The following GBF1 variants were observed in gnomAD, a reference collection of about 807,000 sequenced individuals.
The protein encoded by GBF1 is Golgi-specific brefeldin A-resistance guanine nucleotide exchange factor 1.
Under a neutral mutation model 210.5 loss-of-function variants are expected in GBF1, and 114 were observed. The observed-to-expected ratio is 0.54, with a 90% CI of 0.47 to 0.63. The LOEUF (loss-of-function observed/expected upper bound fraction) is 0.63. Among genes scored for constraint, GBF1 ranks in the 30% least tolerant of loss-of-function variants. GBF1 has a pLI of 0.00. For missense variants in GBF1, 1,851 were observed against 2,357.7 expected (o/e 0.79, Z 4.45); for synonymous variants, 850 against 889.2 (o/e 0.96, Z 0.78).
intron 29 of GBF1, 39 bp from the exon 30 acceptor site, chr10:102,375,320 C>A: frequency 8.4e-7 from 1 of 1,190,278 alleles, no homozygotes; most frequent in Non-Finnish European, 1.3e-6. Flanking sequence ...GCCCACACAG[C>A]TCCCCGCTTC....
In GBF1 at chr10:102,376,757, C is replaced by T. The variant is rs139000128; in HGVS notation, c.4245C>T (p.Cys1415=). 3.9e-5 allele frequency: 62 copies of T among 1,609,704 alleles called. No homozygotes were observed. Among genetic ancestry groups the T allele is most frequent in the South Asian group, 8.8e-5 (8 of 91,074 alleles). ...AHITPDNFEL[C]VKTLRIFVEA... ...TCACACCTGACAACTTTGAGCTCTGCGTCAAGACTCTCCGGATCTTTGTGG... is the reference window on the plus strand; with the variant it reads ...TCACACCTGACAACTTTGAGCTCTGTGTCAAGACTCTCCGGATCTTTGTGG... Residue 1415 remains cysteine (C), a synonymous_variant, in exon 32 of 40, where the codon TGC becomes TGT. Transcript: ENST00000369983.
In GBF1 at chr10:102,362,593, C is replaced by G. The variant is rs369179789; in HGVS notation, c.1805C>G (p.Thr602Ser). Residue 602 changes from threonine (T) to serine (S), a missense_variant, in exon 15 of 40, where the codon ACC becomes AGC. By Grantham distance (58) the Thr-to-Ser change is moderately conservative. This residue lies in a region of GBF1 where 804 missense variants were observed against 958.6 expected (regional missense o/e 0.84). Transcript: ENST00000369983. Reference protein sequence around the residue: ...HCQAKVLNSLTQQEKKETARP... With the variant: ...HCQAKVLNSLSQQEKKETARP... Reference sequence around the variant, plus strand: ...CAGGCTAAAGTCCTCAACAGCCTCACCCAGCAAGAGAAGAAGGAGACAGCC... The same window carrying G: ...CAGGCTAAAGTCCTCAACAGCCTCAGCCAGCAAGAGAAGAAGGAGACAGCC... 49 of 1,614,054 alleles carry G rather than the reference C, an allele frequency of 3.0e-5. No homozygotes were observed. The highest frequency in any genetic ancestry group is 3.9e-5 in the Non-Finnish European group (46 of 1,180,024).
upstream of GBF1, among the ~76,000 whole-genome samples, chr10:102,243,954 A>C (rs1176092357): frequency 6.6e-6 from 1 of 152,028 alleles, no homozygotes; most frequent in Non-Finnish European, 1.5e-5. Flanking sequence ...ACATGGTGAA[A>C]CCCCATCTCT....
chr10:102,255,148 CT>C (rs1209965960), intron 1 of GBF1, among the ~76,000 whole-genome samples: 2 of 152,070 alleles, frequency 1.3e-5, no homozygotes, highest in East Asian at 3.9e-4. Flanking sequence ...TCAAGTGATT[CT>C]CCTGCCTCAG....
At position 102,370,447 on chromosome 10, in the gene GBF1, G is replaced by A; in HGVS notation, c.3475G>A (p.Glu1159Lys). ...TGAGGAAGATGCTGCTTTCTGCCTA[G>A]AGATGCTGCTAAGGATTGTGTTGGA... ...YDEEDAAFCL[E>K]MLLRIVLENR... The change falls in exon 28 of 40, where the codon GAG (glutamate) becomes AAG (lysine). Residue 1159 changes from glutamate (E) to lysine (K), a missense_variant. This residue lies in a region of GBF1 where 967 missense variants were observed against 1,247.7 expected (regional missense o/e 0.78). Transcript: ENST00000369983. The A allele has an allele frequency of 1.2e-6, 2 of 1,613,140 alleles. No individual in the cohort carries two copies. Among genetic ancestry groups the A allele is most frequent in the Non-Finnish European group, 1.7e-6 (2 of 1,179,058 alleles).
intron 3 of GBF1, among the ~76,000 whole-genome samples, chr10:102,271,818 C>T (rs552167142): frequency 2.2e-4 from 34 of 152,152 alleles, no homozygotes; most frequent in African/African-American, 8.2e-4. Context: ...GTGGTGTGAT[C>T]TCAGCTCACC....
chr10:102,245,210 A>G (rs1204910869), upstream of GBF1, among the ~76,000 whole-genome samples: 3 of 152,062 alleles, frequency 2.0e-5, no homozygotes, highest in African/African-American at 7.2e-5. Flanking sequence ...CTTTTTCCCC[A>G]TAATGCCCAG....
intron 14 of GBF1, 26 bp from the exon 15 acceptor site, chr10:102,362,449 G>A (rs79023582): frequency 1.3e-6 from 2 of 1,509,770 alleles, no homozygotes; most frequent in Non-Finnish European, 1.8e-6. Flanking sequence ...CTAACTACAA[G>A]TCCAATTGAT....
the GBF1 span, among the ~76,000 whole-genome samples, chr10:102,237,903 G>T: frequency 6.6e-6 from 1 of 151,720 alleles, no homozygotes; most frequent in Non-Finnish European, 1.5e-5. Flanking sequence ...CCCACTATGA[G>T]AAGCAATGCA....
intron 15 of GBF1, 132 bp downstream of exon 15, chr10:102,362,796 T>C (rs1231923618): frequency 1.5e-6 from 1 of 665,658 alleles, no homozygotes; most frequent in African/African-American, 1.8e-5. Flanking sequence ...GCTTTGGCAG[T>C]TTAAATCACA....
intron 30 of GBF1, 140 bp from the exon 31 acceptor site, chr10:102,376,132 G>T: frequency 1.5e-6 from 1 of 653,218 alleles, no homozygotes; most frequent in Non-Finnish European, 2.6e-6. Context: ...CCATCCTTTG[G>T]CCCTCTGGTG....
At chr10:102,258,838 A>G in intron 1 of GBF1, 91 bp from the exon 2 acceptor site, 2 of 710,622 alleles carry the variant, frequency 2.8e-6, no homozygotes, top group South Asian at 1.6e-5. Context: ...TTAAATCACA[A>G]TTCTAACCTT....
chr10:102,261,901 C>T (rs946195796), intron 3 of GBF1, among the ~76,000 whole-genome samples: 9 of 152,036 alleles, frequency 5.9e-5, no homozygotes, highest in African/African-American at 2.2e-4. Flanking sequence ...GGATTACAGA[C>T]GTGAGCCACC....
chr10:102,252,825 C>A (rs145952074), intron 1 of GBF1, among the ~76,000 whole-genome samples: 1 of 150,632 alleles, frequency 6.6e-6, no homozygotes, highest in Non-Finnish European at 1.5e-5. Flanking sequence ...CCAGCCTGGG[C>A]GACAGAATGA....
chr10:102,308,842 T>A (rs1208962825), intron 3 of GBF1, among the ~76,000 whole-genome samples: 1 of 151,510 alleles, frequency 6.6e-6, no homozygotes, highest in East Asian at 1.9e-4. Context: ...AACCTGCACA[T>A]TGTGCACATG....
At chr10:102,256,562 CTGGA>C (rs66894126) in intron 1 of GBF1, among the ~76,000 whole-genome samples, 138,794 of 150,272 alleles carry the variant, frequency 0.92, 64,206 homozygotes, top group East Asian at 1. Context: ...GTTGCCCAGG[CTGGA>C]TGGAGTACAG....
At chr10:102,252,207 C>T (rs888149844) in intron 1 of GBF1, among the ~76,000 whole-genome samples, 8 of 151,762 alleles carry the variant, frequency 5.3e-5, no homozygotes, top group South Asian at 2.1e-4. Flanking sequence ...GGCATGGTGG[C>T]GCATGAATGT....
intron 4 of GBF1, among the ~76,000 whole-genome samples, chr10:102,348,097 C>T (rs1253124831): frequency 2.0e-5 from 3 of 152,016 alleles, no homozygotes; most frequent in African/African-American, 4.8e-5. Context: ...CCACCACGCC[C>T]GGCTAATTTT....
At chr10:102,364,383 C>A (rs912397321) in intron 17 of GBF1, among the ~76,000 whole-genome samples, 11 of 150,628 alleles carry the variant, frequency 7.3e-5, no homozygotes, top group African/African-American at 2.7e-4. Context: ...TGCCACCATG[C>A]CTGGCTAATT....
Sources: gnomAD v4.1 joint callset for allele counts (sites outside exome capture counted in the v4.1 genomes callset) on GRCh38, gnomAD v4.1.1 for gene constraint, gnomAD v4.1.1 regional missense constraint, MANE v1.5 for transcripts, NCBI Gene and HGNC (gene_info 2026-07-23, HGNC 2026-07-21) for gene names.